Variants in TMPO observed in about 807,000 individuals in gnomAD.
TMPO encodes thymopoietin, also known as LEM domain containing 4.
In TMPO, 22 loss-of-function variants were observed where a neutral mutation model predicts 45.4. The ratio of observed to expected loss-of-function variants is 0.48; its 90% CI spans 0.35 to 0.69. The LOEUF is 0.69. Ranked by LOEUF, TMPO falls within the 30% of genes least tolerant of loss-of-function variation. The pLI, the probability that TMPO is intolerant of heterozygous loss-of-function variation, is 0.01. For synonymous variants in TMPO, 241 were observed against 204.1 expected, an observed-to-expected ratio of 1.18 and a Z score of -1.54; for missense variants, 512 against 548.8, an observed-to-expected ratio of 0.93 and a Z score of 0.67.
intron 4 of TMPO, among the ~76,000 whole-genome samples, chr12:98,543,286 A>T (rs577431225): frequency 6.6e-6 from 1 of 152,230 alleles, no homozygotes; most frequent in South Asian, 2.1e-4. Context: ...TCATTGATGG[A>T]TGTTCTGTAG....
chr12:98,535,652 A>C, intron 3 of TMPO: 3 of 985,424 alleles, frequency 3.0e-6, no homozygotes, highest in Non-Finnish European at 3.6e-6. Context: ...GTCTCCAGAA[A>C]CATGTTGTTC....
In TMPO at chr12:98,545,605, T is replaced by A. The variant is rs572193889; in HGVS notation, c.990+544T>A. Among the ~76,000 whole-genome samples, 13 of 152,274 alleles carry A rather than the reference T, an allele frequency of 8.5e-5. 1 individual carries two copies. Among genetic ancestry groups the A allele is most frequent in the African/African-American group, 2.9e-4 (12 of 41,572 alleles). ...CAGTAAAACAAGCTAAACATTATAT[T>A]TTTTTTAATTTGGGCATATTGCATT... is the stretch of plus-strand genomic sequence containing the variant. On this transcript the variant is annotated intron_variant, in intron 7 of 8. Transcript: ENST00000556029.
chr12:98,522,603 G>A (rs767911023), intron 1 of TMPO, among the ~76,000 whole-genome samples: 18 of 152,312 alleles, frequency 1.2e-4, no homozygotes, highest in South Asian at 4.1e-4. Context: ...TTGCATATGT[G>A]AAGTGTCTAG....
chr12:98,530,127 C>T (rs958065778), intron 2 of TMPO, among the ~76,000 whole-genome samples: 5 of 151,742 alleles, frequency 3.3e-5, no homozygotes, highest in African/African-American at 1.2e-4. Flanking sequence ...TGCTTGAGTT[C>T]AGGAGTTGAA....
chr12:98,545,121 A>ATTTTT, intron 7 of TMPO, 60 bp downstream of exon 7: 23 of 830,566 alleles, frequency 2.8e-5, no homozygotes, highest in Non-Finnish European at 3.8e-5. Flanking sequence ...AAATATAAAT[A>ATTTTT]TTTGTTTGTT....
Position 98,516,004 on chromosome 12 carries a change from C to T in TMPO, c.137C>T (p.Thr46Met), listed in dbSNP as rs776416936. The T allele has an allele frequency of 6.2e-7, 1 of 1,611,332 alleles. No individual in the cohort carries two copies. Among genetic ancestry groups the T allele is most frequent in the Non-Finnish European group, 8.5e-7 (1 of 1,179,572 alleles). ...GTCCAGCTCTACCTGCAGCACCTCA[C>T]GGCTCGCAACCGGCCGCCGCTCCCC... ...VYVQLYLQHL[T>M]ARNRPPLPAG... Residue 46 changes from threonine (T) to methionine (M), a missense_variant, in exon 1 of 9, where the codon ACG (threonine) becomes ATG (methionine). Coordinates refer to ENST00000556029, the MANE Select transcript of TMPO (RefSeq NM_001032283.3).
intron 1 of TMPO, among the ~76,000 whole-genome samples, chr12:98,518,511 G>C (rs1332908287): frequency 9.1e-6 from 1 of 110,112 alleles, no homozygotes; most frequent in South Asian, 2.8e-4. Context: ...CAGGCTTTCT[G>C]TGTTGTCCAG....
At chr12:98,542,663 C>T (rs1202950332) in intron 4 of TMPO, among the ~76,000 whole-genome samples, 2 of 152,072 alleles carry the variant, frequency 1.3e-5, no homozygotes, top group African/African-American at 2.4e-5. Context: ...GGAGACCAGC[C>T]TGGCCAACAT....
intron 2 of TMPO, among the ~76,000 whole-genome samples, chr12:98,529,751 G>T (rs1877054221): frequency 2.0e-5 from 3 of 151,876 alleles, no homozygotes; most frequent in African/African-American, 7.3e-5. Flanking sequence ...TAGGGATGGG[G>T]GCACACTATA....
chr12:98,533,902 C>A (rs778756406), intron 3 of TMPO: 1 of 1,614,156 alleles, frequency 6.2e-7, no homozygotes, highest in Admixed American at 1.7e-5. Context: ...TGAAGCCACT[C>A]CACTAGGAGG....
intron 1 of TMPO, chr12:98,516,413 G>A: frequency 8.5e-7 from 1 of 1,180,654 alleles, no homozygotes; most frequent in African/African-American, 1.6e-5. Context: ...TTTGCACGCA[G>A]TCGACGCCGC....
chr12:98,535,226 G>T, intron 3 of TMPO: 1 of 983,878 alleles, frequency 1.0e-6, no homozygotes, highest in Non-Finnish European at 1.2e-6. Flanking sequence ...ATGATATATT[G>T]TATTTTGTGG....
intron 3 of TMPO, chr12:98,534,827 A>G: frequency 2.0e-6 from 2 of 1,002,942 alleles, no homozygotes; most frequent in South Asian, 8.6e-5. Context: ...ATATTTTCTT[A>G]CTTTTCTTTG....
rs757560595 is a variant in TMPO, at chr12:98,532,838, A to C, written c.565+1000A>C. On this transcript the variant is annotated intron_variant, in intron 3 of 8. Coordinates refer to ENST00000556029, the MANE Select transcript of TMPO (RefSeq NM_001032283.3). ...GCCTCTACAGGAAAGAAGAAAGAAC[A>C]CAAGAAAGTGAAGTCCACTAGGGAT... is the stretch of plus-strand genomic sequence containing the variant. 3.1e-6 allele frequency: 5 copies of C among 1,614,106 alleles called. No individual in the cohort carries two copies. The highest frequency in any genetic ancestry group is 1.3e-5 in the African/African-American group (1 of 74,942).
At chr12:98,536,105 C>T (rs1047886253) in intron 3 of TMPO, among the ~76,000 whole-genome samples, 7 of 152,074 alleles carry the variant, frequency 4.6e-5, no homozygotes, top group African/African-American at 1.2e-4. Flanking sequence ...AATCACTGTT[C>T]GTTTTTGGGA....
intron 1 of TMPO, among the ~76,000 whole-genome samples, chr12:98,526,012 A>G (rs1404477644): frequency 6.6e-6 from 1 of 152,202 alleles, no homozygotes; most frequent in African/African-American, 2.4e-5. Context: ...TGTTTGCCAC[A>G]GCCTTAAAAG....
chr12:98,516,475 G>T lies in TMPO; in HGVS notation c.279+329G>T, dbSNP rs144337361. 9.6e-5 allele frequency: 108 copies of T among 1,119,930 alleles called. No individual in the cohort carries two copies. In the African/African-American group the frequency reaches 1.7e-3, roughly 17 times the overall value. 69.4% of individuals were successfully genotyped at this position (1,119,930 alleles called of 1,614,324 possible). ...CGGGCGTTTAGACGGGGACTTCCGT[G>T]CCCTTTCGAAAGCTCTGGAGGGGTG... is the stretch of plus-strand genomic sequence containing the variant. On this transcript the variant is annotated intron_variant, in intron 1 of 8. Coordinates refer to ENST00000556029, the MANE Select transcript of TMPO (RefSeq NM_001032283.3).
chr12:98,535,864 C>A (rs895359073), intron 3 of TMPO, among the ~76,000 whole-genome samples: 2 of 152,086 alleles, frequency 1.3e-5, no homozygotes, highest in African/African-American at 4.8e-5. Context: ...TAATCTGTAA[C>A]CAGATACCTT....
At chr12:98,535,596 C>A in intron 3 of TMPO, 1 of 985,324 alleles carries the variant, frequency 1.0e-6, no homozygotes, top group African/African-American at 1.7e-5. Flanking sequence ...CTGTAGAATG[C>A]TTCTGCAAAT....
Sources: gnomAD v4.1 joint callset for allele counts (sites outside exome capture counted in the v4.1 genomes callset) on GRCh38, gnomAD v4.1.1 for gene constraint, MANE v1.5 for transcripts, NCBI Gene and HGNC (gene_info 2026-07-23, HGNC 2026-07-21) for gene names.